Variants in FAM124B observed in about 807,000 individuals in gnomAD.
FAM124B encodes the protein protein FAM124B.
FAM124B carries 18 observed loss-of-function variants against 19.7 expected under a neutral mutation model. The ratio of observed to expected loss-of-function variants is 0.92; its 90% CI spans 0.63 to 1.36. FAM124B has a LOEUF of 1.36. FAM124B is among the 40% of genes most tolerant of loss of function. The pLI is 0.00. For missense variants in FAM124B, 540 were observed against 553.3 expected (o/e 0.98, Z 0.24); for synonymous variants, 223 against 225.2 (o/e 0.99, Z 0.09).
At chr2:224,390,114 TACACACACACACACACACACACACAC>T (rs59825011) in intron 1 of FAM124B, among the ~76,000 whole-genome samples, 1 of 131,702 alleles carries the variant, frequency 7.6e-6, no homozygotes, top group Non-Finnish European at 1.6e-5. Flanking sequence ...GTCTTTGAAA[TACACACACACACACACACACACACAC>T]ACACACACAC....
rs1200222038 is a variant in FAM124B, at chr2:224,379,476, C to G, written c.*97G>C. On this transcript the variant is annotated 3_prime_UTR_variant, in exon 2 of 2. Transcript: ENST00000409685. ...TGTGCATGGGGAGCATTCAGCCCCC[C>G]TCAGATGAACAACTAACAGGCTGAT... 5.6e-6 allele frequency: 8 copies of G among 1,422,392 alleles called. No individual in the cohort carries two copies. Among genetic ancestry groups the G allele is most frequent in the African/African-American group, 2.9e-5 (2 of 69,342 alleles). The allele number at this position is 1,422,392 out of a possible 1,614,324, so 88.1% of individuals were successfully genotyped here.
intron 1 of FAM124B, among the ~76,000 whole-genome samples, chr2:224,392,850 C>G (rs903690976): frequency 3.9e-5 from 6 of 152,194 alleles, no homozygotes; most frequent in Admixed American, 1.3e-4. Context: ...TGCAGGAGAC[C>G]TTAGAAATAA....
At position 224,401,582 on chromosome 2, in the gene FAM124B, G is replaced by C. The variant is rs750129946; in HGVS notation, c.187C>G (p.Arg63Gly). The change falls in exon 1 of 2, where the codon CGG becomes GGG. Residue 63 changes from arginine to glycine, a missense_variant. Arg to Gly is a moderately radical substitution (Grantham distance 125, BLOSUM62 -2). Coordinates refer to ENST00000409685, the MANE Select transcript of FAM124B (RefSeq NM_001122779.2). ...YCEKSHSKRS[R>G]FPGMSVLLFL... ...AGCAACACGGACATCCCTGGAAACCGGGACCGCTTGGAATGGGACTTTTCA... is the reference window on the plus strand; with the variant it reads ...AGCAACACGGACATCCCTGGAAACCCGGACCGCTTGGAATGGGACTTTTCA... 2 of 1,614,016 alleles carry C rather than the reference G, an allele frequency of 1.2e-6. No homozygotes were observed. Among genetic ancestry groups the C allele is most frequent in the Non-Finnish European group, 1.7e-6 (2 of 1,180,038 alleles).
At chr2:224,392,832 C>T (rs1455611670) in intron 1 of FAM124B, among the ~76,000 whole-genome samples, 1 of 151,160 alleles carries the variant, frequency 6.6e-6, no homozygotes, top group Non-Finnish European at 1.5e-5. Context: ...GTTACAGAAG[C>T]TTCAAGATGC....
chr2:224,386,909 G>A (rs1471985928), intron 1 of FAM124B, among the ~76,000 whole-genome samples: 1 of 152,200 alleles, frequency 6.6e-6, no homozygotes, highest in Non-Finnish European at 1.5e-5. Context: ...AAAGTCTTAA[G>A]AAAATTCCTA....
intron 1 of FAM124B, among the ~76,000 whole-genome samples, chr2:224,390,152 C>CAGAG (rs1309580183): frequency 4.6e-4 from 68 of 148,184 alleles, no homozygotes; most frequent in African/African-American, 1.7e-3. Flanking sequence ...CACACACACA[C>CAGAG]ACACACAGAA....
chr2:224,389,708 G>A (rs1276538516), intron 1 of FAM124B, among the ~76,000 whole-genome samples: 1 of 152,076 alleles, frequency 6.6e-6, no homozygotes, highest in African/African-American at 2.4e-5. Context: ...ATGTTTAAAT[G>A]GTCTTATAGG....
In FAM124B at chr2:224,401,038, T is replaced by C; in HGVS notation, c.731A>G (p.Gln244Arg). 6.3e-7 allele frequency: 1 copy of C among 1,589,906 alleles called. No individual in the cohort carries two copies. Among genetic ancestry groups the C allele is most frequent in the Non-Finnish European group, 8.6e-7 (1 of 1,166,686 alleles). ...AGATCTGAGACAAAACAGAAATACC[T>C]GAAGCAGAATCTTGTTGCCATCGTA... Reference protein sequence around the residue: ...QDYDGNKILLQVQLNPELGVK... With the variant: ...QDYDGNKILLRVQLNPELGVK... The change falls in exon 1 of 2, where the codon CAG becomes CGG. Residue 244 changes from glutamine to arginine, a missense_variant and splice_region_variant. By Grantham distance (43) the Gln-to-Arg change is conservative. Transcript: ENST00000409685.
At chr2:224,393,856 C>T (rs12992690) in intron 1 of FAM124B, among the ~76,000 whole-genome samples, 16,381 of 152,240 alleles carry the variant, frequency 0.11, 1,180 homozygotes, top group East Asian at 0.21. Context: ...AGCTTGGTCT[C>T]AGCAGTGTTT....
In FAM124B at chr2:224,380,018, C is replaced by T. The variant is rs576214428; in HGVS notation, c.923G>A (p.Arg308Lys). The stretch of plus-strand genomic sequence containing the variant: ...GCTTTTCCACGAAGTGCCAGCACAC[C>T]TGTCTGATGTGGGGCTCCCACTGGG... Reference protein sequence around the residue: ...PEPSGSPTSDRCAGTSWKSPG... With the variant: ...PEPSGSPTSDKCAGTSWKSPG... Residue 308 changes from arginine (R) to lysine (K), a missense_variant, in exon 2 of 2, where the codon AGG becomes AAG. Transcript: ENST00000409685. 1 of 1,551,578 alleles carries T rather than the reference C, an allele frequency of 6.4e-7. No individual in the cohort carries two copies. The highest frequency in any genetic ancestry group is 8.7e-7 in the Non-Finnish European group (1 of 1,147,008).
rs115887239 is a variant in FAM124B, at chr2:224,397,261, T to C, written c.732+3776A>G. ...GATGGTTTTAAAGATGAGAGTTCTC[T>C]GCACAAGCCCTCTCTTTGCCACCTA... On this transcript the variant is annotated intron_variant, in intron 1 of 1. Coordinates refer to ENST00000409685, the MANE Select transcript of FAM124B (RefSeq NM_001122779.2). Among the ~76,000 whole-genome samples, 1,458 of 152,298 alleles carry C rather than the reference T, an allele frequency of 9.6e-3. 23 individuals are homozygous for C. The highest frequency in any genetic ancestry group is 0.031 in the African/African-American group (1,267 of 41,540).
At chr2:224,387,606 C>A (rs1349971130) in intron 1 of FAM124B, among the ~76,000 whole-genome samples, 1 of 152,132 alleles carries the variant, frequency 6.6e-6, no homozygotes, top group South Asian at 2.1e-4. Context: ...CCACCAATGG[C>A]AACATGCTCT....
intron 1 of FAM124B, chr2:224,400,633 T>C: frequency 1.3e-5 from 7 of 558,182 alleles, no homozygotes; most frequent in Non-Finnish European, 2.2e-5. Flanking sequence ...AGGATAGGGG[T>C]ATAGTTGATG....
rs1348541593 is a variant in FAM124B at position 224,379,499 on chromosome 2, G to C, written c.*74C>G. ...CCCTCAGATGAACAACTAACAGGCT[G>C]ATTCTGGGTCAGTACTCCATTTCTA... On this transcript the variant is annotated 3_prime_UTR_variant, in exon 2 of 2. Transcript: ENST00000409685. 1 of 1,458,022 alleles carries C rather than the reference G, an allele frequency of 6.9e-7. No individual in the cohort carries two copies. Among genetic ancestry groups the C allele is most frequent in the Non-Finnish European group, 9.0e-7 (1 of 1,106,520 alleles). The allele number at this position is 1,458,022 out of a possible 1,614,324, so 90.3% of individuals were successfully genotyped here.
chr2:224,393,756 T>C (rs1490056420), intron 1 of FAM124B, among the ~76,000 whole-genome samples: 1 of 152,172 alleles, frequency 6.6e-6, no homozygotes. Context: ...TAGAAGTACT[T>C]GTAAGTTATT....
At chr2:224,390,233 T>C (rs908591204) in intron 1 of FAM124B, among the ~76,000 whole-genome samples, 4 of 149,692 alleles carry the variant, frequency 2.7e-5, no homozygotes, top group Middle Eastern at 3.7e-3. Context: ...GAGGAGAGGA[T>C]TTCAAGAAGG....
At chr2:224,390,802 G>A (rs1157145421) in intron 1 of FAM124B, among the ~76,000 whole-genome samples, 2 of 150,748 alleles carry the variant, frequency 1.3e-5, no homozygotes, top group African/African-American at 2.4e-5. Context: ...CCGGGTTCAC[G>A]CCATTCTCCT....
At chr2:224,395,397 GCA>G (rs1272282571) in intron 1 of FAM124B, among the ~76,000 whole-genome samples, 2 of 152,134 alleles carry the variant, frequency 1.3e-5, no homozygotes, top group Non-Finnish European at 2.9e-5. Flanking sequence ...TTGACTGAGG[GCA>G]CAGTTTAAGT....
Position 224,384,665 on chromosome 2 carries a change from TC to T in FAM124B, c.733-4458del, listed in dbSNP as rs1366470013. ...TGTCCTGAAATCTTCAGCAGCACCA[TC>T]GCCCCCACTCTCTCTCATCAGGTGG... On this transcript the variant is annotated intron_variant, in intron 1 of 1. Transcript: ENST00000409685. Among the ~76,000 whole-genome samples, 6 of 152,254 alleles carry T rather than the reference TC, an allele frequency of 3.9e-5. No individual in the cohort carries two copies. The East Asian group carries it at 1.2e-3, about 29-fold the overall frequency.
Sources: gnomAD v4.1 joint callset for allele counts (sites outside exome capture counted in the v4.1 genomes callset) on GRCh38, gnomAD v4.1.1 for gene constraint, MANE v1.5 for transcripts, NCBI Gene and HGNC (gene_info 2026-07-23, HGNC 2026-07-21) for gene names.